The following ZCWPW2 variants were observed in gnomAD, a reference collection of about 807,000 sequenced individuals.
ZCWPW2 encodes zinc finger CW-type PWWP domain protein 2.
A neutral mutation model predicts 46.6 loss-of-function variants in ZCWPW2; 45 were observed. The ratio of observed to expected loss-of-function variants is 0.96; its 90% CI spans 0.76 to 1.24. ZCWPW2 has a LOEUF of 1.24. Ranked by LOEUF, ZCWPW2 falls within the 50% of genes most tolerant of loss-of-function variation. The probability of loss-of-function intolerance (pLI) is 0.00; values close to 1 mark genes in which losing one functional copy is unlikely to be tolerated. For missense variants in ZCWPW2, 429 were observed against 403.9 expected, an observed-to-expected ratio of 1.06 and a Z score of -0.53; for synonymous variants, 152 against 137.1, an observed-to-expected ratio of 1.11 and a Z score of -0.76.
At chr3:28,496,727 A>T (rs539277798) in intron 6 of ZCWPW2, among the ~76,000 whole-genome samples, 1 of 152,054 alleles carries the variant, frequency 6.6e-6, no homozygotes, top group South Asian at 2.1e-4. Context: ...GCAAAAGATA[A>T]TGGCAAAATA....
chr3:28,498,890 A>T (rs1211051058), intron 6 of ZCWPW2, among the ~76,000 whole-genome samples: 1 of 152,086 alleles, frequency 6.6e-6, no homozygotes, highest in African/African-American at 2.4e-5. Context: ...GAGTGAGAAC[A>T]TGTGGTGTTT....
chr3:28,481,893 A>C (rs191909330), intron 5 of ZCWPW2, among the ~76,000 whole-genome samples: 1 of 152,142 alleles, frequency 6.6e-6, no homozygotes, highest in Non-Finnish European at 1.5e-5. Flanking sequence ...GAGTTCCCAT[A>C]TATCTCCTCC....
At chr3:28,508,061 T>C (rs1700326972) in intron 6 of ZCWPW2, among the ~76,000 whole-genome samples, 1 of 152,084 alleles carries the variant, frequency 6.6e-6, no homozygotes, top group Non-Finnish European at 1.5e-5. Flanking sequence ...CTGCTCAGCT[T>C]CTGGTGAGGG....
At chr3:28,495,975 A>G (rs993413348) in intron 6 of ZCWPW2, among the ~76,000 whole-genome samples, 8 of 152,076 alleles carry the variant, frequency 5.3e-5, no homozygotes, top group Admixed American at 5.3e-4. Context: ...GGACTCGACA[A>G]ACTACAAATA....
chr3:28,442,041 G>C (rs192937772), intron 4 of ZCWPW2, among the ~76,000 whole-genome samples: 2 of 152,278 alleles, frequency 1.3e-5, no homozygotes, highest in East Asian at 3.9e-4. Context: ...TGGGTCATAT[G>C]GCCCAAGTGA....
intron 2 of ZCWPW2, among the ~76,000 whole-genome samples, chr3:28,406,979 A>G (rs770382261): frequency 6.6e-6 from 1 of 152,064 alleles, no homozygotes; most frequent in African/African-American, 2.4e-5. Context: ...GGTGTGCCCT[A>G]TAACACCCAG....
At chr3:28,455,718 C>T (rs1698397508) in intron 4 of ZCWPW2, among the ~76,000 whole-genome samples, 1 of 152,084 alleles carries the variant, frequency 6.6e-6, no homozygotes, top group Admixed American at 6.5e-5. Context: ...GCCAGTTCTC[C>T]CAGTAGCTTC....
At chr3:28,496,228 G>C (rs1026479766) in intron 6 of ZCWPW2, among the ~76,000 whole-genome samples, 4 of 152,062 alleles carry the variant, frequency 2.6e-5, no homozygotes, top group Non-Finnish European at 4.4e-5. Context: ...TATGTAACAG[G>C]AAATTTGAGA....
At chr3:28,451,311 C>T (rs1333118380) in intron 4 of ZCWPW2, among the ~76,000 whole-genome samples, 3 of 152,138 alleles carry the variant, frequency 2.0e-5, no homozygotes, top group Admixed American at 6.5e-5. Context: ...ATGGAAGAAA[C>T]GGAGACTCAG....
chr3:28,366,960 G>A (rs1705141160), intron 1 of ZCWPW2, among the ~76,000 whole-genome samples: 1 of 152,140 alleles, frequency 6.6e-6, no homozygotes, highest in African/African-American at 2.4e-5. Flanking sequence ...TCTGATGGTA[G>A]TTTGTATTTC....
chr3:28,444,990 G>T (rs1053824625), intron 4 of ZCWPW2, among the ~76,000 whole-genome samples: 4 of 151,992 alleles, frequency 2.6e-5, no homozygotes, highest in African/African-American at 9.6e-5. Context: ...TATAGAAATA[G>T]AGTCCTTAGC....
rs1023998627 is a variant in ZCWPW2 at position 28,350,562 on chromosome 3, C to T, written c.-134+1359C>T. Among the ~76,000 whole-genome samples the T allele has an allele frequency of 4.6e-5, 7 of 152,120 alleles. 1 individual carries two copies. The highest frequency in any genetic ancestry group is 1.7e-4 in the African/African-American group (7 of 41,432). On this transcript the variant is annotated intron_variant, in intron 1 of 9. Transcript: ENST00000383768. ...ATTTTATTATTTTAGTCAAGTAAAA[C>T]ATCTTAGTTTTTCTTTTTGGGTTGT...
At chr3:28,519,739 A>G (rs1356460886) in intron 8 of ZCWPW2, among the ~76,000 whole-genome samples, 1 of 152,128 alleles carries the variant, frequency 6.6e-6, no homozygotes, top group Non-Finnish European at 1.5e-5. Context: ...TTCTCTCTGA[A>G]TTACGTTGTT....
chr3:28,498,660 T>TA (rs1258229153), intron 6 of ZCWPW2, among the ~76,000 whole-genome samples: 2 of 151,936 alleles, frequency 1.3e-5, no homozygotes, highest in Non-Finnish European at 2.9e-5. Flanking sequence ...CCTTTTTTTT[T>TA]TTATTATACT....
intron 4 of ZCWPW2, among the ~76,000 whole-genome samples, chr3:28,473,413 T>G (rs1699112095): frequency 6.6e-6 from 1 of 151,866 alleles, no homozygotes; most frequent in African/African-American, 2.4e-5. Context: ...AGGCAGAGGC[T>G]GCACTGAGCC....
chr3:28,430,092 A>G (rs561396629), intron 3 of ZCWPW2, among the ~76,000 whole-genome samples: 1 of 152,306 alleles, frequency 6.6e-6, no homozygotes, highest in East Asian at 1.9e-4. Flanking sequence ...TTCCAGACTC[A>G]AGAATGGTAG....
At chr3:28,395,916 A>G (rs752818361) in intron 2 of ZCWPW2, among the ~76,000 whole-genome samples, 11 of 152,110 alleles carry the variant, frequency 7.2e-5, no homozygotes, top group Non-Finnish European at 1.5e-4. Flanking sequence ...ATAATAGATA[A>G]CTATGAAAGG....
At position 28,524,821 on chromosome 3, in the gene ZCWPW2, T is replaced by A. The variant is rs1700811155; in HGVS notation, c.*133T>A. 1.3e-6 allele frequency: 1 copy of A among 763,180 alleles called. No individual in the cohort carries two copies. The highest frequency in any genetic ancestry group is 1.8e-6 in the Non-Finnish European group (1 of 559,024). 47.3% of individuals were successfully genotyped at this position (763,180 alleles called of 1,614,324 possible). A position where few individuals can be genotyped will look rare whatever the true frequency, so the allele number is the denominator to read the frequency against. On this transcript the variant is annotated 3_prime_UTR_variant, in exon 10 of 10. Coordinates refer to ENST00000383768, the MANE Select transcript of ZCWPW2 (RefSeq NM_001040432.4). ...GTTTATATTTGCGGTAACTTTCTAC[T>A]TCATATTTTGAGAATGGCCATGATT...
chr3:28,359,520 G>A (rs554367027), intron 1 of ZCWPW2, among the ~76,000 whole-genome samples: 2 of 152,098 alleles, frequency 1.3e-5, no homozygotes, highest in African/African-American at 4.8e-5. Flanking sequence ...AAGAGAAAAA[G>A]GCCTAGAGAA....
Sources: gnomAD v4.1 joint callset for allele counts (sites outside exome capture counted in the v4.1 genomes callset) on GRCh38, gnomAD v4.1.1 for gene constraint, MANE v1.5 for transcripts, NCBI Gene and HGNC (gene_info 2026-07-23, HGNC 2026-07-21) for gene names.